The following PPHLN1 variants were observed in gnomAD, a reference collection of about 807,000 sequenced individuals.
The protein encoded by PPHLN1 is periphilin-1.
Under a neutral mutation model 51.3 loss-of-function variants are expected in PPHLN1, and 29 were observed. That is an observed-to-expected ratio of 0.57 (90% confidence interval 0.42 to 0.77). The LOEUF (loss-of-function observed/expected upper bound fraction) is 0.77, where lower values mean the gene tolerates loss of function less well. PPHLN1 is among the 30% of genes least tolerant of loss of function. PPHLN1 has a pLI of 0.00. For synonymous variants in PPHLN1, 147 were observed against 147.8 expected (o/e 0.99, Z 0.04); for missense variants, 436 against 438.4 (o/e 0.99, Z 0.05).
chr12:42,337,399 G>A (rs1341719607), intron 2 of PPHLN1, among the ~76,000 whole-genome samples: 1 of 150,732 alleles, frequency 6.6e-6, no homozygotes, highest in Non-Finnish European at 1.5e-5. Flanking sequence ...GGGTTCAAGC[G>A]ATTCTTCTGT....
At chr12:42,421,680 A>G (rs1658687951) in intron 9 of PPHLN1, among the ~76,000 whole-genome samples, 1 of 152,160 alleles carries the variant, frequency 6.6e-6, no homozygotes, top group Non-Finnish European at 1.5e-5. Flanking sequence ...TTTTGAAGAA[A>G]TTAGAGAAGC....
chr12:42,391,663 T>C (rs1189989800), intron 7 of PPHLN1, among the ~76,000 whole-genome samples: 1 of 152,168 alleles, frequency 6.6e-6, no homozygotes, highest in East Asian at 1.9e-4. Context: ...TATTTGTGTT[T>C]GTATATGTGT....
chr12:42,385,122 A>G (rs547860384), intron 6 of PPHLN1, 126 bp downstream of exon 6: 2 of 956,626 alleles, frequency 2.1e-6, no homozygotes, highest in East Asian at 2.6e-5. Flanking sequence ...CACAGTTAGC[A>G]GTAGACCTAG....
chr12:42,333,695 G>T (rs534649658), intron 1 of PPHLN1, among the ~76,000 whole-genome samples: 1 of 152,202 alleles, frequency 6.6e-6, no homozygotes, highest in African/African-American at 2.4e-5. Context: ...TGTTAGCCAG[G>T]ATGGTCTCGA....
intron 9 of PPHLN1, among the ~76,000 whole-genome samples, chr12:42,421,838 T>G (rs1313456761): frequency 6.6e-6 from 1 of 152,098 alleles, no homozygotes; most frequent in Non-Finnish European, 1.5e-5. Flanking sequence ...AGGAGCAGTA[T>G]ACTGGGAAGG....
At chr12:42,423,333 A>G (rs1016710089) in intron 9 of PPHLN1, among the ~76,000 whole-genome samples, 4 of 152,120 alleles carry the variant, frequency 2.6e-5, no homozygotes, top group Non-Finnish European at 4.4e-5. Context: ...ATAATGAATT[A>G]TTTTAAATAT....
chr12:42,417,928 TTTTGTTTTTTTTTTG>T (rs1315498916), intron 9 of PPHLN1, among the ~76,000 whole-genome samples: 2 of 78,838 alleles, frequency 2.5e-5, no homozygotes, highest in Non-Finnish European at 5.7e-5. Flanking sequence ...TAGTTTTTTT[TTTTGTTTTTTTTTTG>T]TTTTTTTTTT....
At chr12:42,391,015 T>C (rs1036939005) in intron 7 of PPHLN1, among the ~76,000 whole-genome samples, 1 of 152,014 alleles carries the variant, frequency 6.6e-6, no homozygotes, top group African/African-American at 2.4e-5. Flanking sequence ...TTTAGATCCA[T>C]AGTTATTTTA....
At chr12:42,365,129 T>C (rs11181461) in intron 4 of PPHLN1, among the ~76,000 whole-genome samples, 28,148 of 152,204 alleles carry the variant, frequency 0.18, 3,327 homozygotes, top group Middle Eastern at 0.26. Context: ...AGAGGTGATA[T>C]GGAAAATTCC....
downstream of PPHLN1, chr12:42,442,760 C>T (rs751216161): frequency 1.9e-6 from 3 of 1,612,278 alleles, no homozygotes. Flanking sequence ...TTGGTGCCCG[C>T]TCGGGATTTC....
intron 9 of PPHLN1, among the ~76,000 whole-genome samples, chr12:42,441,048 C>CAGTAG (rs2082905939): frequency 6.6e-6 from 1 of 152,208 alleles, no homozygotes; most frequent in African/African-American, 2.4e-5. Context: ...GACTGCCTTA[C>CAGTAG]ACTGACAAAT....
intron 8 of PPHLN1, among the ~76,000 whole-genome samples, chr12:42,395,275 CT>C (rs1252548867): frequency 6.6e-6 from 1 of 151,962 alleles, no homozygotes; most frequent in Non-Finnish European, 1.5e-5. Context: ...CAGACGTGTT[CT>C]TTTGTTGGAT....
downstream of PPHLN1, chr12:42,445,993 C>A: frequency 1.3e-6 from 2 of 1,518,158 alleles, no homozygotes; most frequent in Non-Finnish European, 8.8e-7. Flanking sequence ...GATTCCAGCA[C>A]GACGCATCAA....
At chr12:42,442,212 T>C (rs1047932537), downstream of PPHLN1, 9 of 164,432 alleles carry the variant, frequency 5.5e-5, no homozygotes, top group Non-Finnish European at 1.1e-4. Flanking sequence ...AGGAAATCAG[T>C]CAGGGTGGTA....
intron 9 of PPHLN1, among the ~76,000 whole-genome samples, chr12:42,437,656 TTGA>T (rs1327328250): frequency 9.2e-5 from 14 of 152,210 alleles, no homozygotes; most frequent in African/African-American, 3.4e-4. Flanking sequence ...CTTGTTATGA[TTGA>T]TGAACCAATA....
At chr12:42,401,571 T>A (rs1303456377) in intron 9 of PPHLN1, among the ~76,000 whole-genome samples, 2 of 151,836 alleles carry the variant, frequency 1.3e-5, no homozygotes, top group Non-Finnish European at 2.9e-5. Context: ...GCTTGTCAGA[T>A]CAGTGGTGGC....
Position 42,398,981 on chromosome 12 carries a change from A to G in PPHLN1, c.896A>G (p.Lys299Arg). 1 of 1,613,894 alleles carries G rather than the reference A, an allele frequency of 6.2e-7. No individual in the cohort carries two copies. The highest frequency in any genetic ancestry group is 8.5e-7 in the Non-Finnish European group (1 of 1,179,820). ...TRSKAIASKTKEIEQVYRQDC... is the reference protein window; with the variant it reads ...TRSKAIASKTREIEQVYRQDC... ...TCTAAAGCAATAGCATCAAAAACCA[A>G]AGAGATTGAACAGGTGAGAGTCTAG... Residue 299 changes from lysine to arginine, a missense_variant, in exon 9 of 10, where the codon AAA (lysine) becomes AGA (arginine). Coordinates refer to ENST00000358314, the MANE Select transcript of PPHLN1 (RefSeq NM_201439.2).
chr12:42,435,686 T>C (rs2082422050), intron 9 of PPHLN1, among the ~76,000 whole-genome samples: 1 of 152,160 alleles, frequency 6.6e-6, no homozygotes. Context: ...TATATACCTT[T>C]CATTAAAAGT....
chr12:42,370,303 C>T (rs1355549379), intron 4 of PPHLN1, among the ~76,000 whole-genome samples: 1 of 152,160 alleles, frequency 6.6e-6, no homozygotes, highest in Non-Finnish European at 1.5e-5. Flanking sequence ...GGTCTATGGA[C>T]GTACATTTTG....
Sources: gnomAD v4.1 joint callset for allele counts (sites outside exome capture counted in the v4.1 genomes callset) on GRCh38, gnomAD v4.1.1 for gene constraint, MANE v1.5 for transcripts, NCBI Gene and HGNC (gene_info 2026-07-23, HGNC 2026-07-21) for gene names.